PLCL2: variants seen among roughly 807,000 people sequenced by gnomAD.
PLCL2 encodes phospholipase C like 2, also known as inactive phospholipase C-like protein 2.
In PLCL2, 4 loss-of-function variants were observed where a neutral mutation model predicts 79.6. The observed-to-expected ratio is 0.05, with a 90% confidence interval of 0.02 to 0.11. PLCL2 has a LOEUF of 0.11. PLCL2 is among the 10% of genes least tolerant of loss of function. PLCL2 has a pLI of 1.00. For synonymous variants in PLCL2, 484 were observed against 457.7 expected (o/e 1.06, Z -0.73); for missense variants, 895 against 1,291.0 (o/e 0.69, Z 4.70).
At chr3:17,081,062 A>G (rs1045392340) in intron 5 of PLCL2, 3 of 420,054 alleles carry the variant, frequency 7.1e-6, no homozygotes, top group Admixed American at 2.5e-5. Context: ...ATCTCTCTAA[A>G]CTCAGTGTCC....
chr3:16,929,257 C>G (rs895283772), intron 1 of PLCL2, among the ~76,000 whole-genome samples: 1 of 152,096 alleles, frequency 6.6e-6, no homozygotes, highest in Admixed American at 6.5e-5. Flanking sequence ...GGACTTGTCT[C>G]AGAGCCTATA....
intron 1 of PLCL2, among the ~76,000 whole-genome samples, chr3:16,953,909 C>T (rs2063676053): frequency 6.6e-6 from 1 of 151,956 alleles, no homozygotes; most frequent in Admixed American, 6.6e-5. Context: ...GTAAATATTT[C>T]AATTTTGAGT....
intron 2 of PLCL2, among the ~76,000 whole-genome samples, chr3:17,014,168 G>T (rs1001852942): frequency 4.6e-5 from 7 of 152,178 alleles, no homozygotes; most frequent in Non-Finnish European, 7.4e-5. Flanking sequence ...AGGTAACCAA[G>T]GTCCCTGCTG....
chr3:17,049,856 A>G (rs1310424204), intron 4 of PLCL2, among the ~76,000 whole-genome samples: 2 of 152,216 alleles, frequency 1.3e-5, no homozygotes, highest in African/African-American at 2.4e-5. Context: ...TGGAACCCCT[A>G]AAGACCCAGA....
chr3:17,055,167 G>C (rs2064880067), intron 4 of PLCL2, among the ~76,000 whole-genome samples: 1 of 152,140 alleles, frequency 6.6e-6, no homozygotes, highest in African/African-American at 2.4e-5. Flanking sequence ...TTGAAGATGA[G>C]ACACAGGAAA....
chr3:17,028,916 C>T (rs2064547502), intron 3 of PLCL2, among the ~76,000 whole-genome samples: 1 of 152,160 alleles, frequency 6.6e-6, no homozygotes, highest in South Asian at 2.1e-4. Context: ...TGAAAATAAC[C>T]TTGATCTCCA....
chr3:16,900,546 T>G (rs1344421934), intron 1 of PLCL2, among the ~76,000 whole-genome samples: 1 of 152,122 alleles, frequency 6.6e-6, no homozygotes, highest in Non-Finnish European at 1.5e-5. Context: ...TTTTAAAAGG[T>G]TTTTAAAGCT....
intron 5 of PLCL2, among the ~76,000 whole-genome samples, chr3:17,085,946 A>G (rs1222744720): frequency 6.6e-6 from 1 of 152,236 alleles, no homozygotes; most frequent in Non-Finnish European, 1.5e-5. Flanking sequence ...TTCCATATTC[A>G]TGGATGGGAA....
chr3:17,028,759 CT>C (rs1446923334), intron 3 of PLCL2, among the ~76,000 whole-genome samples: 4 of 151,938 alleles, frequency 2.6e-5, no homozygotes, highest in South Asian at 2.1e-4. Flanking sequence ...CTGGGAATTC[CT>C]TTTTTAAAAG....
intron 1 of PLCL2, among the ~76,000 whole-genome samples, chr3:16,938,285 G>A (rs1420479940): frequency 6.6e-6 from 1 of 152,016 alleles, no homozygotes; most frequent in African/African-American, 2.4e-5. Flanking sequence ...AGTTTTAAAG[G>A]GCTATAAAAT....
chr3:17,042,710 T>TTATCA, intron 3 of PLCL2, 164 bp from the exon 4 acceptor site: 1 of 595,496 alleles, frequency 1.7e-6, no homozygotes, highest in Non-Finnish European at 3.1e-6. Flanking sequence ...ATGTGTGATG[T>TTATCA]TATCATTTTC....
intron 1 of PLCL2, among the ~76,000 whole-genome samples, chr3:16,932,042 A>G (rs1425837560): frequency 3.3e-5 from 5 of 152,142 alleles, no homozygotes; most frequent in African/African-American, 7.2e-5. Context: ...GAGGGCCCTC[A>G]CCAGAACCCG....
chr3:17,051,794 G>A (rs2064842104), intron 4 of PLCL2, among the ~76,000 whole-genome samples: 1 of 152,146 alleles, frequency 6.6e-6, no homozygotes, highest in Non-Finnish European at 1.5e-5. Flanking sequence ...GTTTCATGAT[G>A]CTTTGTTCCT....
chr3:17,052,257 G>GT (rs1174564497), intron 4 of PLCL2, among the ~76,000 whole-genome samples: 4 of 145,470 alleles, frequency 2.7e-5, no homozygotes, highest in African/African-American at 7.5e-5. Context: ...AAAAAAATTG[G>GT]GGGGGGGTGA....
intron 1 of PLCL2, among the ~76,000 whole-genome samples, chr3:16,918,232 A>G (rs553139867): frequency 5.9e-5 from 9 of 152,320 alleles, no homozygotes; most frequent in African/African-American, 2.2e-4. Flanking sequence ...AAGGCATTTA[A>G]ACCAGGAAGA....
intron 3 of PLCL2, among the ~76,000 whole-genome samples, chr3:17,037,385 T>C (rs1218107122): frequency 6.6e-6 from 1 of 152,208 alleles, no homozygotes; most frequent in Non-Finnish European, 1.5e-5. Flanking sequence ...TGTTTGAGAA[T>C]GATAATCTTT....
At chr3:17,080,598 C>T (rs1172205192) in intron 5 of PLCL2, among the ~76,000 whole-genome samples, 1 of 152,052 alleles carries the variant, frequency 6.6e-6, no homozygotes, top group Non-Finnish European at 1.5e-5. Context: ...TTACAGTCGC[C>T]CGCCACCATG....
At chr3:16,997,282 A>G (rs1236403492) in intron 1 of PLCL2, among the ~76,000 whole-genome samples, 1 of 152,184 alleles carries the variant, frequency 6.6e-6, no homozygotes, top group Non-Finnish European at 1.5e-5. Context: ...ACTGACCCAC[A>G]TAAAACAATT....
intron 1 of PLCL2, among the ~76,000 whole-genome samples, chr3:16,929,026 G>A (rs964683274): frequency 1.3e-5 from 2 of 152,142 alleles, no homozygotes; most frequent in African/African-American, 4.8e-5. Context: ...GGGTGGTGGT[G>A]ATTGCTGCAC....
Sources: gnomAD v4.1 joint callset for allele counts (sites outside exome capture counted in the v4.1 genomes callset) on GRCh38, gnomAD v4.1.1 for gene constraint, MANE v1.5 for transcripts, NCBI Gene and HGNC (gene_info 2026-07-23, HGNC 2026-07-21) for gene names.